Variants in ATXN7 observed in about 807,000 individuals in gnomAD.
ATXN7 encodes the protein ataxin-7.
Under a neutral mutation model 70.5 loss-of-function variants are expected in ATXN7, and 12 were observed. The observed-to-expected ratio is 0.17, with a 90% CI of 0.11 to 0.28. The LOEUF is 0.28. Among genes scored for constraint, ATXN7 ranks in the 10% least tolerant of loss-of-function variants. The pLI, the probability that ATXN7 is intolerant of heterozygous loss-of-function variation, is 1.00. For missense variants in ATXN7, 1,256 were observed against 1,131.7 expected (o/e 1.11, Z -1.58); for synonymous variants, 498 against 448.7 (o/e 1.11, Z -1.39).
At chr3:63,877,059 G>T (rs1023267257) in intron 1 of ATXN7, among the ~76,000 whole-genome samples, 3 of 151,910 alleles carry the variant, frequency 2.0e-5, no homozygotes, top group Non-Finnish European at 4.4e-5. Flanking sequence ...CATTTTGAAT[G>T]GTTTTTTTAA....
chr3:63,884,749 A>C (rs1703033707), intron 1 of ATXN7, among the ~76,000 whole-genome samples: 1 of 151,888 alleles, frequency 6.6e-6, no homozygotes, highest in South Asian at 2.1e-4. Flanking sequence ...TCTTGGGCTC[A>C]AGGGTGTCTT....
At position 63,990,350 on chromosome 3, in the gene ATXN7, A is replaced by G. The variant is rs1438314005; in HGVS notation, c.1536A>G (p.Ser512=). The G allele has an allele frequency of 1.2e-6, 2 of 1,614,150 alleles. No homozygotes were observed. The highest frequency in any genetic ancestry group is 2.2e-5 in the South Asian group (2 of 91,082). The change falls in exon 10 of 13, where the codon TCA becomes TCG. Residue 512 remains serine, a synonymous_variant. Transcript: ENST00000674280. The part of the protein sequence containing the change: ...ESVEKLDCHY[S]GHHPQPASFC... The stretch of plus-strand genomic sequence containing the variant: ...TTGAAAAACTGGACTGTCATTATTC[A>G]GGTCATCATCCTCAGCCAGCATCTG...
chr3:63,947,717 A>G (rs2106641803), intron 4 of ATXN7, among the ~76,000 whole-genome samples: 1 of 152,310 alleles, frequency 6.6e-6, no homozygotes, highest in East Asian at 1.9e-4. Flanking sequence ...AATGCCAGTG[A>G]TAGTAACTAA....
At chr3:63,938,643 G>A (rs1050679953) in intron 4 of ATXN7, among the ~76,000 whole-genome samples, 1 of 152,194 alleles carries the variant, frequency 6.6e-6, no homozygotes. Context: ...TACAGGACCT[G>A]GTCTGACCAA....
chr3:63,963,828 A>G (rs1198200621), intron 5 of ATXN7, among the ~76,000 whole-genome samples: 1 of 152,148 alleles, frequency 6.6e-6, no homozygotes, highest in Non-Finnish European at 1.5e-5. Context: ...TGGTACATAC[A>G]TACTTAATTA....
intron 5 of ATXN7, among the ~76,000 whole-genome samples, chr3:63,955,324 T>C (rs1214599831): frequency 5.3e-5 from 8 of 152,242 alleles, no homozygotes; most frequent in Middle Eastern, 3.4e-3. Context: ...GGGATTCTGC[T>C]GGGAAATGTG....
At chr3:63,945,696 G>A (rs879278456) in intron 4 of ATXN7, among the ~76,000 whole-genome samples, 7 of 152,206 alleles carry the variant, frequency 4.6e-5, no homozygotes, top group Admixed American at 2.0e-4. Context: ...GATAGATATG[G>A]AATGTAGTCT....
chr3:63,964,361 TGA>T (rs1215247563), intron 5 of ATXN7, among the ~76,000 whole-genome samples: 1 of 152,170 alleles, frequency 6.6e-6, no homozygotes, highest in Non-Finnish European at 1.5e-5. Flanking sequence ...ATCATAATTT[TGA>T]GTGTGATTAA....
At chr3:63,994,768 C>T (rs1294933218) in intron 11 of ATXN7, among the ~76,000 whole-genome samples, 1 of 152,112 alleles carries the variant, frequency 6.6e-6, no homozygotes, top group Non-Finnish European at 1.5e-5. Flanking sequence ...TAAATTCTGC[C>T]AAAGAAGTTT....
chr3:63,912,754 A>G lies in ATXN7; in HGVS notation c.156A>G (p.Pro52=), dbSNP rs938304643. Residue 52 remains proline, a synonymous_variant, in exon 3 of 13, where the codon CCA becomes CCG. Coordinates refer to ENST00000674280, the MANE Select transcript of ATXN7 (RefSeq NM_001377405.1). ...AGCCCCAGCGGCAGCAGCACCCGCC[A>G]CCGCCGCCACGGCGCACACGGCCGG... ...PPQPQRQQHP[P]PPPRRTRPED... is the part of the protein sequence containing the mutation. 20 of 1,314,658 alleles carry G rather than the reference A, an allele frequency of 1.5e-5. No individual in the cohort carries two copies. Among genetic ancestry groups the G allele is most frequent in the Non-Finnish European group, 5.8e-6 (6 of 1,031,758 alleles). The allele number at this position is 1,314,658 out of a possible 1,614,324, so 81.4% of individuals were successfully genotyped here.
At chr3:63,915,685 TA>T (rs1461741191) in intron 4 of ATXN7, among the ~76,000 whole-genome samples, 22 of 146,802 alleles carry the variant, frequency 1.5e-4, no homozygotes, top group Non-Finnish European at 3.0e-4. Flanking sequence ...ACCCTTTATT[TA>T]TTTTTTTTTT....
chr3:63,907,583 C>G (rs912307226), intron 2 of ATXN7, among the ~76,000 whole-genome samples: 1 of 151,102 alleles, frequency 6.6e-6, no homozygotes, highest in Non-Finnish European at 1.5e-5. Flanking sequence ...CTCAGCCTCC[C>G]GAGTAGCTGG....
chr3:63,982,261 A>C lies in ATXN7; in HGVS notation c.828A>C (p.Pro276=), dbSNP rs753661550. 4 of 1,614,126 alleles carry C rather than the reference A, an allele frequency of 2.5e-6. No homozygotes were observed. Among genetic ancestry groups the C allele is most frequent in the Non-Finnish European group, 2.5e-6 (3 of 1,180,012 alleles). ...DGTLLKSAVG[P]TCPATVSSLV... Reference sequence around the variant, plus strand: ...CACTACTGAAATCTGCGGTGGGGCCAACCTGTCCTGCTACTGTGAGTTCCT... The same window carrying C: ...CACTACTGAAATCTGCGGTGGGGCCCACCTGTCCTGCTACTGTGAGTTCCT... The change falls in exon 7 of 13, where the codon CCA becomes CCC. Residue 276 remains proline, a synonymous_variant. Coordinates refer to ENST00000674280, the MANE Select transcript of ATXN7 (RefSeq NM_001377405.1).
At chr3:63,951,975 A>T (rs1400369700) in intron 4 of ATXN7, among the ~76,000 whole-genome samples, 2 of 152,190 alleles carry the variant, frequency 1.3e-5, no homozygotes, top group East Asian at 3.9e-4. Flanking sequence ...TAATTGTTCC[A>T]TAGAACTCAG....
At chr3:63,997,515 C>T (rs948999136) in intron 12 of ATXN7, 20 of 916,672 alleles carry the variant, frequency 2.2e-5, no homozygotes, top group Middle Eastern at 4.3e-4. Flanking sequence ...ATTTTTGTCT[C>T]GTCCCAGCTC....
chr3:63,950,246 GT>G (rs1217543316), intron 4 of ATXN7, among the ~76,000 whole-genome samples: 1 of 152,158 alleles, frequency 6.6e-6, no homozygotes. Context: ...GAAAGGATCA[GT>G]TTAGGTTTTT....
At chr3:63,920,608 T>G (rs1301222218) in intron 4 of ATXN7, among the ~76,000 whole-genome samples, 2 of 152,204 alleles carry the variant, frequency 1.3e-5, no homozygotes, top group Non-Finnish European at 2.9e-5. Context: ...AGTAAAAATA[T>G]CAGAGCCTTT....
chr3:63,919,240 C>A (rs778896761), intron 4 of ATXN7, among the ~76,000 whole-genome samples: 2 of 152,182 alleles, frequency 1.3e-5, no homozygotes, highest in Admixed American at 6.5e-5. Context: ...TTGTCTGTGG[C>A]TGCTTGCTGC....
intron 4 of ATXN7, among the ~76,000 whole-genome samples, chr3:63,934,474 G>A (rs1234773743): frequency 6.6e-6 from 1 of 152,118 alleles, no homozygotes; most frequent in Non-Finnish European, 1.5e-5. Flanking sequence ...TAGGGGTGGG[G>A]CACTAGGAAA....
Sources: allele counts gnomAD v4.1 joint callset (sites outside exome capture counted in the v4.1 genomes callset), GRCh38; gene constraint gnomAD v4.1.1; transcripts MANE v1.5; gene names NCBI Gene and HGNC (gene_info 2026-07-23, HGNC 2026-07-21).